LRPPRC: variants seen among roughly 807,000 people sequenced by gnomAD.
The protein encoded by LRPPRC is leucine-rich PPR motif-containing protein, mitochondrial.
In LRPPRC, 120 loss-of-function variants were observed where a neutral mutation model predicts 180.3. That is an observed-to-expected ratio of 0.67 (90% CI 0.57 to 0.77). LRPPRC has a LOEUF of 0.77. LRPPRC is among the 30% of genes least tolerant of loss of function. The pLI is 0.00. For synonymous variants in LRPPRC, 723 were observed against 600.0 expected, an observed-to-expected ratio of 1.21 and a Z score of -3.00; for missense variants, 2,012 against 1,657.2, an observed-to-expected ratio of 1.21 and a Z score of -3.72.
chr2:43,945,990 T>C (rs1672666851), intron 21 of LRPPRC, 123 bp downstream of exon 21: 2 of 1,054,354 alleles, frequency 1.9e-6, no homozygotes, highest in South Asian at 2.7e-5. Context: ...TCAAAAACAC[T>C]GACAACAAAA....
At chr2:43,933,106 A>T (rs1672148880) in intron 25 of LRPPRC, among the ~76,000 whole-genome samples, 2 of 152,210 alleles carry the variant, frequency 1.3e-5, no homozygotes, top group Admixed American at 1.3e-4. Flanking sequence ...CTTAAGCTAC[A>T]GAAGCACCTG....
Position 43,905,800 on chromosome 2 carries a change from AGAAAG to A in LRPPRC, c.3276-25_3276-21del. ...TCCGCGCTAAAAGAAGCAGACATTT[AGAAAG>A]GAATTACTGACATGCTTCTGATACG... On this transcript the variant is annotated intron_variant, in intron 30 of 37. Coordinates refer to ENST00000260665, the MANE Select transcript of LRPPRC (RefSeq NM_133259.4). The A allele has an allele frequency of 1.1e-5, 16 of 1,478,586 alleles. No homozygotes were observed. Among genetic ancestry groups the A allele is most frequent in the Non-Finnish European group, 1.5e-5 (16 of 1,056,060 alleles). 91.6% of individuals were successfully genotyped at this position (1,478,586 alleles called of 1,614,324 possible). A position where few individuals can be genotyped will look rare whatever the true frequency, so the allele number is the denominator to read the frequency against.
intron 36 of LRPPRC, chr2:43,890,239 G>A (rs189881213): frequency 4.8e-6 from 2 of 420,664 alleles, no homozygotes; most frequent in East Asian, 6.9e-5. Context: ...ATCCCCTTTG[G>A]CTTAAAACCA....
chr2:43,977,373 C>A (rs1329705509), intron 3 of LRPPRC, 97 bp from the exon 4 acceptor site: 3 of 953,932 alleles, frequency 3.1e-6, no homozygotes, highest in Non-Finnish European at 3.3e-6. Flanking sequence ...GTAAAACTAT[C>A]ACTTTAGCAT....
intron 1 of LRPPRC, among the ~76,000 whole-genome samples, chr2:43,983,300 T>C (rs1365201254): frequency 6.6e-6 from 1 of 151,424 alleles, no homozygotes; most frequent in African/African-American, 2.4e-5. Flanking sequence ...CTGTACCTTT[T>C]TTTAAAATAA....
intron 30 of LRPPRC, among the ~76,000 whole-genome samples, chr2:43,912,028 C>T (rs1671281004): frequency 6.6e-6 from 1 of 152,118 alleles, no homozygotes. Flanking sequence ...TTCCCAAGGT[C>T]ACAGAACTTT....
At chr2:43,902,372 C>T (rs1414530163) in intron 31 of LRPPRC, 2 of 152,062 alleles carry the variant, frequency 1.3e-5, no homozygotes, top group East Asian at 1.9e-4. Context: ...AACAATCACC[C>T]CTACCATTAT....
chr2:43,945,891 T>G (rs1401625722), intron 21 of LRPPRC, among the ~76,000 whole-genome samples: 1 of 152,092 alleles, frequency 6.6e-6, no homozygotes, highest in Non-Finnish European at 1.5e-5. Context: ...CCTTTGGTTC[T>G]AAGGACTAGA....
intron 25 of LRPPRC, among the ~76,000 whole-genome samples, chr2:43,932,612 T>C (rs1672131545): frequency 6.6e-6 from 1 of 152,162 alleles, no homozygotes; most frequent in Admixed American, 6.6e-5. Flanking sequence ...CTGAACATCA[T>C]ATTTTGAATT....
At position 43,989,189 on chromosome 2, in the gene LRPPRC, A is replaced by G. The variant is rs191053790; in HGVS notation, c.149+6610T>C. On this transcript the variant is annotated intron_variant, in intron 1 of 37. Coordinates refer to ENST00000260665, the MANE Select transcript of LRPPRC (RefSeq NM_133259.4). ...AAATCTTTTATAAAACTAAGTCACA[A>G]TGAACTTTCTCCCTCTAAGAACTGA... 1.2e-4 allele frequency among the ~76,000 whole-genome samples: 19 copies of G among 152,338 alleles called. 1 individual carries two copies. In the Middle Eastern group the frequency reaches 0.014, roughly 109 times the overall value.
chr2:43,952,162 C>T (rs566933387), intron 14 of LRPPRC, among the ~76,000 whole-genome samples: 1 of 152,016 alleles, frequency 6.6e-6, no homozygotes, highest in East Asian at 1.9e-4. Flanking sequence ...CACTGCACTC[C>T]AGCCTGGGCA....
At chr2:43,934,943 C>A in intron 23 of LRPPRC, 65 bp from the exon 24 acceptor site, 1 of 1,343,510 alleles carries the variant, frequency 7.4e-7, no homozygotes, top group Non-Finnish European at 1.1e-6. Context: ...CTTAGTAATA[C>A]TTTAGAGAGA....
Position 43,955,286 on chromosome 2 carries a change from G to C in LRPPRC, c.1649+2099C>G, listed in dbSNP as rs568487388. On this transcript the variant is annotated intron_variant, in intron 14 of 37. Transcript: ENST00000260665. ...AGTTCAAGACCAGCCTGGGCAACAC[G>C]GTGAGACTCCATCTCCACAAAAAAA... 7.2e-4 allele frequency among the ~76,000 whole-genome samples: 110 copies of C among 151,762 alleles called. 2 individuals are homozygous for C. The highest frequency in any genetic ancestry group is 7.2e-3 in the Admixed American group (109 of 15,244).
At chr2:43,889,269 C>T (rs1485743474) in intron 37 of LRPPRC, among the ~76,000 whole-genome samples, 1 of 125,500 alleles carries the variant, frequency 8.0e-6, no homozygotes, top group Admixed American at 1.0e-4. Context: ...GAGCCGAGAC[C>T]GTGCCATTGC....
At position 43,915,328 on chromosome 2, in the gene LRPPRC, C is replaced by T. The variant is rs1029696217; in HGVS notation, c.3148+2697G>A. On this transcript the variant is annotated intron_variant, in intron 29 of 37. Coordinates refer to ENST00000260665, the MANE Select transcript of LRPPRC (RefSeq NM_133259.4). Reference sequence around the variant, plus strand: ...ATTAATCAAGCTTAATTTTATACTTCGCTTTCAAAGATGCATAGTGTGTAC... The same window carrying T: ...ATTAATCAAGCTTAATTTTATACTTTGCTTTCAAAGATGCATAGTGTGTAC... Among the ~76,000 whole-genome samples the T allele has an allele frequency of 2.0e-5, 3 of 151,388 alleles. No homozygotes were observed. In the South Asian group the frequency reaches 6.2e-4, roughly 31 times the overall value.
Position 43,886,430 on chromosome 2 carries a change from A to G in LRPPRC, c.*2170T>C, listed in dbSNP as rs1413789784. 6.6e-6 allele frequency: 1 copy of G among 152,202 alleles called. No individual in the cohort carries two copies. Among genetic ancestry groups the G allele is most frequent in the Non-Finnish European group, 1.5e-5 (1 of 68,024 alleles). 9.4% of individuals were successfully genotyped at this position (152,202 alleles called of 1,614,324 possible). A position where few individuals can be genotyped will look rare whatever the true frequency, so the allele number is the denominator to read the frequency against. On this transcript the variant is annotated 3_prime_UTR_variant, in exon 38 of 38. Transcript: ENST00000260665. ...TATTTCTACTTATTTCAATTTAGCTATTAGATATTTAGAACACTCATAAGC... is the reference window on the plus strand; with the variant it reads ...TATTTCTACTTATTTCAATTTAGCTGTTAGATATTTAGAACACTCATAAGC...
intron 29 of LRPPRC, 146 bp downstream of exon 29, chr2:43,917,879 A>G (rs1671531139): frequency 3.2e-6 from 2 of 629,258 alleles, no homozygotes; most frequent in East Asian, 2.8e-5. Flanking sequence ...TGTTTTCGTT[A>G]AAGTATGGAA....
At chr2:43,975,401 C>T (rs1451107625) in intron 6 of LRPPRC, among the ~76,000 whole-genome samples, 184 bp from the exon 7 acceptor site, 1 of 152,104 alleles carries the variant, frequency 6.6e-6, no homozygotes, top group East Asian at 1.9e-4. Context: ...TCATAAACAT[C>T]TGATCCCCCA....
rs766323837 is a variant in LRPPRC, at chr2:43,963,517, T to G, written c.1488+71A>C. ...TCCTCAGTTCAATGACTTTTTTGTGTGTCAACACTAAACATTAAGGAGGAA... is the reference window on the plus strand; with the variant it reads ...TCCTCAGTTCAATGACTTTTTTGTGGGTCAACACTAAACATTAAGGAGGAA... On this transcript the variant is annotated intron_variant, in intron 12 of 37. Coordinates refer to ENST00000260665, the MANE Select transcript of LRPPRC (RefSeq NM_133259.4). The G allele has an allele frequency of 3.1e-6, 3 of 956,632 alleles. No homozygotes were observed. In the African/African-American group the frequency reaches 4.8e-5, roughly 15 times the overall value. 59.3% of individuals were successfully genotyped at this position (956,632 alleles called of 1,614,324 possible).
Sources: gnomAD v4.1 joint callset for allele counts (sites outside exome capture counted in the v4.1 genomes callset) on GRCh38, gnomAD v4.1.1 for gene constraint, MANE v1.5 for transcripts, NCBI Gene and HGNC (gene_info 2026-07-23, HGNC 2026-07-21) for gene names.